TACC3: variants seen among roughly 807,000 people sequenced by gnomAD.
The protein encoded by TACC3 is transforming acidic coiled-coil containing protein 3.
In TACC3, 52 loss-of-function variants were observed where a neutral mutation model predicts 86.0. That is an observed-to-expected ratio of 0.60 (90% CI 0.48 to 0.76). TACC3 has a LOEUF of 0.76. TACC3 is among the 30% of genes least tolerant of loss of function. The pLI is 0.00. For synonymous variants in TACC3, 512 were observed against 430.0 expected (o/e 1.19, Z -2.36); for missense variants, 1,120 against 1,070.4 (o/e 1.05, Z -0.65).
chr4:1,737,155 C>A, intron 8 of TACC3, 86 bp from the exon 9 acceptor site: 1 of 1,129,858 alleles, frequency 8.9e-7, no homozygotes, highest in Non-Finnish European at 1.3e-6. Context: ...AAGCAAAGAG[C>A]CCGGTTAGCT....
Position 1,735,918 on chromosome 4 carries a change from A to G in TACC3, c.1748+84A>G. The stretch of plus-strand genomic sequence containing the variant: ...GTTCCTAGGTGTGCTGTCTGCACAG[A>G]GGCTTCTAGACCGGGGGGAGATGAT... On this transcript the variant is annotated intron_variant, in intron 8 of 15. Transcript: ENST00000313288. This position sits in a 1 kb window ranked among gnomAD's most constrained non-coding sequence, Gnocchi z 4.2. 1 of 979,744 alleles carries G rather than the reference A, an allele frequency of 1.0e-6. No homozygotes were observed. The highest frequency in any genetic ancestry group is 1.5e-6 in the Non-Finnish European group (1 of 651,478). The allele number at this position is 979,744 out of a possible 1,614,324, so 60.7% of individuals were successfully genotyped here.
Position 1,728,071 on chromosome 4 carries a change from A to G in TACC3, c.669A>G (p.Glu223=). ...AGACTCCGCACGGAGCCGAGGAAGAATGCAAAGCGGAGACTCCGCACGGAG... is the reference window on the plus strand; with the variant it reads ...AGACTCCGCACGGAGCCGAGGAAGAGTGCAAAGCGGAGACTCCGCACGGAG... The part of the protein sequence containing the change: ...KAETPHGAEE[E]CKAETPHGAE... Residue 223 remains glutamate, a synonymous_variant, in exon 4 of 16, where the codon GAA becomes GAG. Coordinates refer to ENST00000313288, the MANE Select transcript of TACC3 (RefSeq NM_006342.3). 1 of 1,542,330 alleles carries G rather than the reference A, an allele frequency of 6.5e-7. No individual in the cohort carries two copies. Among genetic ancestry groups the G allele is most frequent in the Non-Finnish European group, 8.8e-7 (1 of 1,141,486 alleles).
upstream of TACC3, chr4:1,720,843 A>G: frequency 6.4e-7 from 1 of 1,568,946 alleles, no homozygotes; most frequent in Non-Finnish European, 8.6e-7. The surrounding 1 kb of genome is among the most constrained non-coding windows in gnomAD (Gnocchi z 4.4). Context: ...TCCATCGCGC[A>G]GCCGCCGGGA....
chr4:1,736,138 G>A lies in TACC3; in HGVS notation c.1748+304G>A, dbSNP rs552222834. Among the ~76,000 whole-genome samples, 41 of 152,300 alleles carry A rather than the reference G, an allele frequency of 2.7e-4. No homozygotes were observed. In the South Asian group the frequency reaches 7.1e-3, roughly 26 times the overall value. ...GAGTACTTCCTCTAAAACAGAGGTC[G>A]GCAGGCCAGGCGCGGTGGCTTACGC... On this transcript the variant is annotated intron_variant, in intron 8 of 15. Transcript: ENST00000313288.
chr4:1,725,424 G>C (rs763492798), intron 3 of TACC3, among the ~76,000 whole-genome samples: 8 of 152,192 alleles, frequency 5.3e-5, no homozygotes, highest in Non-Finnish European at 8.8e-5. Context: ...TCCCATGTCT[G>C]CTTGCTACTT....
At position 1,740,926 on chromosome 4, in the gene TACC3, C is replaced by G; in HGVS notation, c.2163C>G (p.Ser721=). Residue 721 remains serine, a synonymous_variant, in exon 13 of 16, where the codon TCC becomes TCG. Transcript: ENST00000313288. ...CAGATCTGAACTCCATGGAGAAGTC[C>G]TTCTCCGACCTCTTCAAGCGTTTTG... The part of the protein sequence containing the change: ...LTTDLNSMEK[S]FSDLFKRFEK... The G allele has an allele frequency of 6.2e-7, 1 of 1,612,828 alleles. No individual in the cohort carries two copies. Among genetic ancestry groups the G allele is most frequent in the Non-Finnish European group, 8.5e-7 (1 of 1,179,800 alleles).
At position 1,739,717 on chromosome 4, in the gene TACC3, G is replaced by A; in HGVS notation, c.1957G>A (p.Glu653Lys). 1 of 1,584,686 alleles carries A rather than the reference G, an allele frequency of 6.3e-7. No individual in the cohort carries two copies. The highest frequency in any genetic ancestry group is 8.6e-7 in the Non-Finnish European group (1 of 1,166,684). The stretch of plus-strand genomic sequence containing the variant: ...GCCTGAGCAGGTAAAGGCGACACAG[G>A]AGGAGAACCGGGAGCTGAGGAGCAG... ...DLDAVVKATQ[E>K]ENRELRSRCE... The change falls in exon 11 of 16, where the codon GAG becomes AAG. Residue 653 changes from glutamate (E) to lysine (K), a missense_variant. Glu to Lys is a moderately conservative substitution (Grantham distance 56). Transcript: ENST00000313288.
chr4:1,720,850 G>C, upstream of TACC3: 1 of 1,565,012 alleles, frequency 6.4e-7, no homozygotes, highest in Non-Finnish European at 8.6e-7. The surrounding 1 kb of genome is among the most constrained non-coding windows in gnomAD (Gnocchi z 4.4). Flanking sequence ...CGCAGCCGCC[G>C]GGAAGCTGTC....
chr4:1,734,494 TA>T (rs1247677265), intron 6 of TACC3, among the ~76,000 whole-genome samples: 2 of 152,160 alleles, frequency 1.3e-5, no homozygotes, highest in African/African-American at 4.8e-5. Flanking sequence ...AGCCACAGTT[TA>T]AGAGTTTTAT....
Position 1,739,684 on chromosome 4 carries a change from T to G in TACC3, c.1942-18T>G. 6.4e-7 allele frequency: 1 copy of G among 1,567,268 alleles called. No homozygotes were observed. The highest frequency in any genetic ancestry group is 8.6e-7 in the Non-Finnish European group (1 of 1,157,458). On this transcript the variant is annotated intron_variant, in intron 10 of 15. Transcript: ENST00000313288. Reference sequence around the variant, plus strand: ...AGTCTGGCCCGCCTGCCTGCTGACTTGGGTGTGGCCTGAGCAGGTAAAGGC... The same window carrying G: ...AGTCTGGCCCGCCTGCCTGCTGACTGGGGTGTGGCCTGAGCAGGTAAAGGC...
At chr4:1,720,822 C>T (rs1383229320), upstream of TACC3, 8 of 1,587,368 alleles carry the variant, frequency 5.0e-6, no homozygotes, top group Non-Finnish European at 6.8e-6. The surrounding 1 kb of genome is among the most constrained non-coding windows in gnomAD (Gnocchi z 4.4). Context: ...GTGAAGGTCA[C>T]CTCGGGGCTG....
At chr4:1,742,027 C>T (rs11248074) in intron 13 of TACC3, 48,026 of 151,924 alleles carry the variant, frequency 0.32, 8,717 homozygotes, top group East Asian at 0.69. Context: ...CCCGGGAGGT[C>T]GAAGCTGCAG....
At chr4:1,731,145 A>G in intron 5 of TACC3, 27 bp from the exon 6 acceptor site, 2 of 1,612,748 alleles carry the variant, frequency 1.2e-6, no homozygotes, top group Non-Finnish European at 1.7e-6. Flanking sequence ...ACTGCACTGC[A>G]CAGGGTGACT....
intron 4 of TACC3, 46 bp downstream of exon 4, chr4:1,728,833 C>T (rs368028948): frequency 5.8e-6 from 9 of 1,542,060 alleles, no homozygotes; most frequent in Admixed American, 1.9e-5. Flanking sequence ...GGCAGCTGCC[C>T]TGCAGTGTAT....
intron 4 of TACC3, among the ~76,000 whole-genome samples, chr4:1,729,660 A>G (rs1166744121): frequency 6.6e-6 from 1 of 152,208 alleles, no homozygotes; most frequent in African/African-American, 2.4e-5. Context: ...AGGTGTACAG[A>G]GCGGATCATG....
intron 15 of TACC3, 23 bp from the exon 16 acceptor site, chr4:1,744,925 C>T (rs755516935): frequency 1.1e-5 from 18 of 1,611,520 alleles, no homozygotes; most frequent in East Asian, 6.7e-5. Flanking sequence ...GGAGAAGCCC[C>T]GCAACTCATC....
intron 3 of TACC3, among the ~76,000 whole-genome samples, chr4:1,727,392 G>A (rs577440457): frequency 6.6e-6 from 1 of 152,198 alleles, no homozygotes; most frequent in Non-Finnish European, 1.5e-5. Context: ...GGCAAAGCGC[G>A]TGATGAGCAC....
rs78738426 is a variant in TACC3 at position 1,740,615 on chromosome 4, G to T, written c.2063-211G>T. 7 of 511,854 alleles carry T rather than the reference G, an allele frequency of 1.4e-5. No homozygotes were observed. In the East Asian group the frequency reaches 2.0e-4, roughly 15 times the overall value. 31.7% of individuals were successfully genotyped at this position (511,854 alleles called of 1,614,324 possible). A position where few individuals can be genotyped will look rare whatever the true frequency, so the allele number is the denominator to read the frequency against. On this transcript the variant is annotated intron_variant, in intron 12 of 15. Transcript: ENST00000313288. ...TCTGGCCCAGGCTCCAGTTCCCTGC[G>T]GATCTGATGTGGAGGAAACAGCTGT...
intron 4 of TACC3, among the ~76,000 whole-genome samples, chr4:1,729,506 C>T (rs968606294): frequency 6.6e-6 from 1 of 152,144 alleles, no homozygotes; most frequent in African/African-American, 2.4e-5. Flanking sequence ...GGTCAGGTCA[C>T]GCAAGTCACG....
Sources: gnomAD v4.1 joint callset for allele counts (sites outside exome capture counted in the v4.1 genomes callset) on GRCh38, gnomAD v4.1.1 for gene constraint, Gnocchi (gnomAD v3.1) non-coding constraint, MANE v1.5 for transcripts, NCBI Gene and HGNC (gene_info 2026-07-23, HGNC 2026-07-21) for gene names.